The following TTC39C variants were observed in gnomAD, a reference collection of about 807,000 sequenced individuals.
The protein encoded by TTC39C is tetratricopeptide repeat domain 39C, also known as tetratricopeptide repeat protein 39C.
TTC39C carries 33 observed loss-of-function variants against 76.3 expected under a neutral mutation model. The observed-to-expected ratio is 0.43, with a 90% confidence interval of 0.33 to 0.58. The LOEUF (loss-of-function observed/expected upper bound fraction) is 0.58. Ranked by LOEUF, TTC39C falls within the 20% of genes least tolerant of loss-of-function variation. The pLI is 0.04. For synonymous variants in TTC39C, 254 were observed against 260.6 expected, an observed-to-expected ratio of 0.97 and a Z score of 0.24; for missense variants, 595 against 701.4, an observed-to-expected ratio of 0.85 and a Z score of 1.71.
At chr18:24,100,656 G>A (rs2084663029) in intron 6 of TTC39C, among the ~76,000 whole-genome samples, 1 of 152,246 alleles carries the variant, frequency 6.6e-6, no homozygotes, top group African/African-American at 2.4e-5. Context: ...GCATTGTAGA[G>A]AGAACATTGG....
intron 1 of TTC39C, among the ~76,000 whole-genome samples, chr18:24,059,203 ATTTG>A (rs1178215515): frequency 2.6e-5 from 4 of 152,086 alleles, no homozygotes; most frequent in African/African-American, 7.2e-5. Flanking sequence ...TTCCATATAA[ATTTG>A]TTTAATTTTT....
At chr18:23,997,214 T>TGAGACCA (rs2083268541) in intron 1 of TTC39C, among the ~76,000 whole-genome samples, 1 of 151,918 alleles carries the variant, frequency 6.6e-6, no homozygotes, top group Non-Finnish European at 1.5e-5. Context: ...GCCAGGAGTT[T>TGAGACCA]GAGACCAGCC....
intron 1 of TTC39C, among the ~76,000 whole-genome samples, chr18:24,031,797 C>G (rs1360928912): frequency 6.6e-6 from 1 of 152,120 alleles, no homozygotes; most frequent in Non-Finnish European, 1.5e-5. Context: ...AATGGTCCTC[C>G]AAAAGGTATC....
chr18:24,117,176 T>A (rs555339197), intron 7 of TTC39C, among the ~76,000 whole-genome samples: 2 of 152,230 alleles, frequency 1.3e-5, no homozygotes, highest in East Asian at 3.9e-4. Flanking sequence ...GAGCGTTACA[T>A]GAAGTGCTTA....
At chr18:24,044,013 T>G (rs1372238643) in intron 1 of TTC39C, among the ~76,000 whole-genome samples, 1 of 151,962 alleles carries the variant, frequency 6.6e-6, no homozygotes, top group Non-Finnish European at 1.5e-5. Flanking sequence ...AAACTTCTCT[T>G]CTATAATGGC....
At chr18:24,099,331 G>A (rs1377953530) in intron 6 of TTC39C, 1 of 151,620 alleles carries the variant, frequency 6.6e-6, no homozygotes, top group African/African-American at 2.4e-5. Flanking sequence ...GGTGGAAAGG[G>A]GGCTAGAGAG....
intron 8 of TTC39C, chr18:24,120,857 T>C (rs1446604994): frequency 8.5e-6 from 1 of 117,908 alleles, no homozygotes; most frequent in Non-Finnish European, 1.9e-5. Context: ...TGTTGTAACA[T>C]GTGTCAGGAT....
chr18:24,114,262 G>A lies in TTC39C; in HGVS notation c.985-292G>A, dbSNP rs4991827. ...TTACCACCTGAGTGAAGGAGAAGGTGGGTGTGAGCTGAGCCCTTAACACCT... is the reference window on the plus strand; with the variant it reads ...TTACCACCTGAGTGAAGGAGAAGGTAGGTGTGAGCTGAGCCCTTAACACCT... On this transcript the variant is annotated intron_variant, in intron 6 of 13. Coordinates refer to ENST00000317571, the MANE Select transcript of TTC39C (RefSeq NM_001135993.2). 9.1e-3 allele frequency: 2,744 copies of A among 302,702 alleles called. 144 individuals are homozygous for A. The highest frequency in any genetic ancestry group is 0.072 in the East Asian group (858 of 11,874). 18.8% of individuals were successfully genotyped at this position (302,702 alleles called of 1,614,324 possible). A position where few individuals can be genotyped will look rare whatever the true frequency, so the allele number is the denominator to read the frequency against.
At chr18:24,130,518 AAC>A (rs2085112983) in intron 12 of TTC39C, 101 bp downstream of exon 12, 1 of 312,362 alleles carries the variant, frequency 3.2e-6, no homozygotes, top group Non-Finnish European at 5.4e-6. Flanking sequence ...AAACAAACTG[AAC>A]ACAGTGTTCT....
At chr18:24,008,672 C>T (rs185922058) in intron 1 of TTC39C, among the ~76,000 whole-genome samples, 194 of 152,284 alleles carry the variant, frequency 1.3e-3, no homozygotes, top group African/African-American at 4.2e-3. Context: ...CCAGCATTCC[C>T]ATTATTGGGT....
intron 1 of TTC39C, among the ~76,000 whole-genome samples, chr18:24,029,402 G>C (rs1599252765): frequency 6.6e-6 from 1 of 152,236 alleles, no homozygotes; most frequent in East Asian, 1.9e-4. Flanking sequence ...AACGTGGCCA[G>C]ATGTGTGTGT....
intron 6 of TTC39C, among the ~76,000 whole-genome samples, chr18:24,098,824 G>C (rs1034281683): frequency 6.6e-6 from 1 of 151,710 alleles, no homozygotes; most frequent in South Asian, 2.1e-4. Flanking sequence ...TAGAGACGGG[G>C]TTTTGCCATG....
chr18:24,110,589 A>T (rs1326502997), intron 6 of TTC39C, among the ~76,000 whole-genome samples: 1 of 152,192 alleles, frequency 6.6e-6, no homozygotes, highest in African/African-American at 2.4e-5. Flanking sequence ...TACCGGCAAC[A>T]CTCACTTAGA....
chr18:24,040,316 C>T (rs190739909), intron 1 of TTC39C, among the ~76,000 whole-genome samples: 10 of 152,254 alleles, frequency 6.6e-5, no homozygotes, highest in African/African-American at 2.4e-4. Flanking sequence ...CTGTGTCTTT[C>T]AGTATTGGGG....
At chr18:24,097,214 C>G (rs1031106249) in intron 6 of TTC39C, among the ~76,000 whole-genome samples, 1 of 152,162 alleles carries the variant, frequency 6.6e-6, no homozygotes, top group African/African-American at 2.4e-5. Flanking sequence ...TCTTTGTCCC[C>G]ACGCCCAGAA....
At chr18:24,078,649 G>A (rs1276327809) in intron 4 of TTC39C, among the ~76,000 whole-genome samples, 2 of 152,150 alleles carry the variant, frequency 1.3e-5, no homozygotes, top group African/African-American at 2.4e-5. Flanking sequence ...CTCCAGCAAC[G>A]AGTTACGACA....
intron 1 of TTC39C, chr18:24,020,077 G>T: frequency 1.5e-6 from 2 of 1,347,080 alleles, no homozygotes; most frequent in South Asian, 4.0e-5. Flanking sequence ...TCCTGGAGAC[G>T]ATAGGAGAGT....
intron 10 of TTC39C, 135 bp downstream of exon 10, chr18:24,125,685 T>G: frequency 8.8e-7 from 1 of 1,135,914 alleles, no homozygotes; most frequent in Admixed American, 2.3e-5. Context: ...TCTCCTTAGA[T>G]AGAGGGTGTC....
At chr18:24,109,743 G>A (rs2084788564) in intron 6 of TTC39C, among the ~76,000 whole-genome samples, 2 of 152,142 alleles carry the variant, frequency 1.3e-5, no homozygotes, top group South Asian at 4.1e-4. Flanking sequence ...AGTGGCTCAT[G>A]TCTGTAATCC....
Sources: allele counts gnomAD v4.1 joint callset (sites outside exome capture counted in the v4.1 genomes callset), GRCh38; gene constraint gnomAD v4.1.1; transcripts MANE v1.5; gene names NCBI Gene and HGNC (gene_info 2026-07-23, HGNC 2026-07-21).